Variants in TJP3 observed in about 807,000 individuals in gnomAD.
The protein encoded by TJP3 is tight junction protein 3.
A neutral mutation model predicts 104.2 loss-of-function variants in TJP3; 85 were observed. The ratio of observed to expected loss-of-function variants is 0.82; its 90% CI spans 0.68 to 0.98. The LOEUF (loss-of-function observed/expected upper bound fraction) is 0.98. Among genes scored for constraint, TJP3 ranks in the 50% least tolerant of loss-of-function variants. The pLI is 0.00. For synonymous variants in TJP3, 550 were observed against 550.6 expected, an observed-to-expected ratio of 1.00 and a Z score of 0.02; for missense variants, 1,367 against 1,322.8, an observed-to-expected ratio of 1.03 and a Z score of -0.52.
intron 15 of TJP3, among the ~76,000 whole-genome samples, 192 bp downstream of exon 15, chr19:3,744,226 T>C (rs960803750): frequency 3.9e-5 from 6 of 152,154 alleles, no homozygotes; most frequent in African/African-American, 1.2e-4. Context: ...AACCTCCAAA[T>C]CCTTCTTAAC....
chr19:3,734,448 C>T lies in TJP3; in HGVS notation c.986+13C>T. ...CCGACTCTCCCGTGTAAGTATCACC[C>T]ATCGGCCAGAATGGTGATAGGGAGG... On this transcript the variant is annotated intron_variant, in intron 8 of 20. Transcript: ENST00000541714. 6.3e-7 allele frequency: 1 copy of T among 1,592,594 alleles called. No homozygotes were observed. The highest frequency in any genetic ancestry group is 8.5e-7 in the Non-Finnish European group (1 of 1,170,644).
In TJP3 at chr19:3,746,489, A is replaced by T. The variant is rs1206408744; in HGVS notation, c.2015A>T (p.Lys672Met). The T allele has an allele frequency of 6.2e-7, 1 of 1,613,772 alleles. No homozygotes were observed. Among genetic ancestry groups the T allele is most frequent in the South Asian group, 1.1e-5 (1 of 91,048 alleles). ...ACGTCCGCCGGCCTGGCCCAGGACA[A>T]GCATGCGCTCCTGGATGTGACCCCC... is the stretch of plus-strand genomic sequence containing the variant. ...DTVRVIAEKD[K>M]HALLDVTPSA... The change falls in exon 17 of 21, where the codon AAG becomes ATG. Residue 672 changes from lysine (K) to methionine (M), a missense_variant. Lys to Met is a moderately conservative substitution (Grantham distance 95). Transcript: ENST00000541714. This position sits in a 1 kb window ranked among gnomAD's most constrained non-coding sequence, Gnocchi z 4.1.
intron 15 of TJP3, 145 bp downstream of exon 15, chr19:3,744,179 C>A: frequency 3.0e-6 from 2 of 666,870 alleles, no homozygotes; most frequent in Non-Finnish European, 5.2e-6. Flanking sequence ...CCAAGCCAGA[C>A]ATCCTCAATC....
At chr19:3,728,155 G>A (rs1271350720) in intron 1 of TJP3, among the ~76,000 whole-genome samples, 12 of 150,102 alleles carry the variant, frequency 8.0e-5, no homozygotes, top group Admixed American at 4.0e-4. Flanking sequence ...CAGGAGAATC[G>A]CTTGAACCCG....
chr19:3,742,934 G>A (rs999726776), intron 14 of TJP3, among the ~76,000 whole-genome samples: 9 of 146,982 alleles, frequency 6.1e-5, no homozygotes, highest in Non-Finnish European at 9.0e-5. Context: ...CCACTGCACC[G>A]CCAGCCTCGG....
intron 19 of TJP3, among the ~76,000 whole-genome samples, 187 bp downstream of exon 19, chr19:3,748,268 T>C (rs1399934737): frequency 1.1e-5 from 1 of 87,664 alleles, no homozygotes; most frequent in Admixed American, 1.3e-4. Context: ...ACTTGCAGCA[T>C]TTTTTTTTTT....
At chr19:3,734,836 C>G (rs561238771) in intron 8 of TJP3, among the ~76,000 whole-genome samples, 21 of 152,170 alleles carry the variant, frequency 1.4e-4, no homozygotes, top group Non-Finnish European at 2.6e-4. Flanking sequence ...TGCCTGTAAG[C>G]TCAGCTACTT....
chr19:3,714,236 G>C (rs1438923755), intron 1 of TJP3, among the ~76,000 whole-genome samples: 1 of 152,012 alleles, frequency 6.6e-6, no homozygotes, highest in Non-Finnish European at 1.5e-5. Context: ...TTTTAGTAGA[G>C]ACAGGGTTTC....
At chr19:3,739,464 T>TG (rs756701244) in intron 13 of TJP3, among the ~76,000 whole-genome samples, 3 of 152,118 alleles carry the variant, frequency 2.0e-5, no homozygotes, top group Non-Finnish European at 4.4e-5. Flanking sequence ...CACTCCAGCC[T>TG]GGCAACAGAG....
rs769361845 is a variant in TJP3, at chr19:3,736,174, C to T, written c.1137C>T (p.Pro379=). ...CTGCCTCCCCTTGCAGGTACAGCCC[C>T]GACACGCGTGTGGTCCGCTTCCTCA... ...SQSMEDRGYS[P]DTRVVRFLKG... Residue 379 remains proline (P), a synonymous_variant, in exon 11 of 21, where the codon CCC becomes CCT. Transcript: ENST00000541714. 20 of 1,592,300 alleles carry T rather than the reference C, an allele frequency of 1.3e-5. No individual in the cohort carries two copies. Among genetic ancestry groups the T allele is most frequent in the South Asian group, 6.8e-5 (6 of 88,568 alleles).
Position 3,731,923 on chromosome 19 carries a change from C to T in TJP3, c.614-12C>T, listed in dbSNP as rs1457442241. On this transcript the variant is annotated splice_polypyrimidine_tract_variant and intron_variant, in intron 5 of 20. Transcript: ENST00000541714. ...AGAGTCCTGCCTCAGTTTCCCTCCT[C>T]CCCCCTTACAGAGTTTGGCGTCAAG... 1 of 1,608,880 alleles carries T rather than the reference C, an allele frequency of 6.2e-7. No homozygotes were observed. The highest frequency in any genetic ancestry group is 1.7e-5 in the Admixed American group (1 of 59,716).
chr19:3,709,265 T>G (rs1284332499), intron 1 of TJP3, among the ~76,000 whole-genome samples: 4 of 152,078 alleles, frequency 2.6e-5, no homozygotes, highest in African/African-American at 9.7e-5. Flanking sequence ...CCAGCTAATT[T>G]TTGTATTTTT....
chr19:3,721,359 C>T (rs2036540470), intron 1 of TJP3, among the ~76,000 whole-genome samples: 1 of 152,212 alleles, frequency 6.6e-6, no homozygotes, highest in Non-Finnish European at 1.5e-5. Flanking sequence ...GCAAACCTTC[C>T]AGAGATAAGG....
intron 1 of TJP3, among the ~76,000 whole-genome samples, chr19:3,728,028 C>A (rs2036618499): frequency 6.6e-6 from 1 of 151,908 alleles, no homozygotes; most frequent in Non-Finnish European, 1.5e-5. Context: ...TCACTTGAGG[C>A]CAGAAGTTAA....
intron 15 of TJP3, among the ~76,000 whole-genome samples, chr19:3,745,619 A>G (rs574911415): frequency 7.2e-5 from 11 of 152,220 alleles, no homozygotes; most frequent in Non-Finnish European, 1.3e-4. Flanking sequence ...GCAAGAGTGG[A>G]GTTTCCTGTG....
Position 3,746,716 on chromosome 19 carries a change from G to A in TJP3, c.2221+21G>A, listed in dbSNP as rs34990653. 29 of 1,602,760 alleles carry A rather than the reference G, an allele frequency of 1.8e-5. No homozygotes were observed. Among genetic ancestry groups the A allele is most frequent in the Non-Finnish European group, 2.2e-5 (26 of 1,174,774 alleles). On this transcript the variant is annotated intron_variant, in intron 17 of 20. Coordinates refer to ENST00000541714, the MANE Select transcript of TJP3 (RefSeq NM_001267560.2). The surrounding 1 kb of genome is among the most constrained non-coding windows in gnomAD (Gnocchi z 4.1). Reference sequence around the variant, plus strand: ...CACAGGTTGGGGGGTGGGTGTCCCAGGGTAGGCGGGTGGGCCCCAGCCTGA... The same window carrying A: ...CACAGGTTGGGGGGTGGGTGTCCCAAGGTAGGCGGGTGGGCCCCAGCCTGA...
At chr19:3,747,709 C>T in intron 18 of TJP3, 85 bp from the exon 19 acceptor site, 1 of 1,428,642 alleles carries the variant, frequency 7.0e-7, no homozygotes, top group Non-Finnish European at 9.2e-7. Context: ...TGATTTGGGA[C>T]CAGAGTTTGA....
rs141854347 is a variant in TJP3 at position 3,724,700 on chromosome 19, C to T, written c.-9-3724C>T. ...CACAGGTGCATGCCACCATGCCCGG[C>T]TAATTTTTGTATTTTTTTGTAGAGA... On this transcript the variant is annotated intron_variant, in intron 1 of 20. Transcript: ENST00000541714. Among the ~76,000 whole-genome samples, 728 of 152,262 alleles carry T rather than the reference C, an allele frequency of 4.8e-3. 5 individuals are homozygous for T. The highest frequency in any genetic ancestry group is 0.017 in the African/African-American group (689 of 41,552).
At chr19:3,727,276 T>C (rs1336828835) in intron 1 of TJP3, among the ~76,000 whole-genome samples, 1 of 151,452 alleles carries the variant, frequency 6.6e-6, no homozygotes, top group Non-Finnish European at 1.5e-5. Context: ...AGATCAGGAG[T>C]TCGAGACCAG....
Sources: allele counts gnomAD v4.1 joint callset (sites outside exome capture counted in the v4.1 genomes callset), GRCh38; gene constraint gnomAD v4.1.1; non-coding constraint Gnocchi (gnomAD v3.1); transcripts MANE v1.5; gene names NCBI Gene and HGNC (gene_info 2026-07-23, HGNC 2026-07-21).